Variants in PHACTR2 observed in about 807,000 individuals in gnomAD.
PHACTR2 encodes the protein chromosome 6 open reading frame 56.
A neutral mutation model predicts 76.0 loss-of-function variants in PHACTR2; 30 were observed. The observed-to-expected ratio is 0.39, with a 90% CI of 0.30 to 0.54. The LOEUF (loss-of-function observed/expected upper bound fraction) is 0.54. PHACTR2 is among the 20% of genes least tolerant of loss of function. The probability of loss-of-function intolerance (pLI) is 0.61; values close to 1 mark genes in which losing one functional copy is unlikely to be tolerated. For synonymous variants in PHACTR2, 292 were observed against 292.5 expected, an observed-to-expected ratio of 1.00 and a Z score of 0.02; for missense variants, 696 against 781.1, an observed-to-expected ratio of 0.89 and a Z score of 1.30.
chr6:143,717,754 G>A (rs1778335826), intron 2 of PHACTR2, among the ~76,000 whole-genome samples: 1 of 152,084 alleles, frequency 6.6e-6, no homozygotes, highest in Middle Eastern at 3.4e-3. Flanking sequence ...TGTGTTTTTT[G>A]TAGAGACAGG....
intron 1 of PHACTR2, among the ~76,000 whole-genome samples, chr6:143,699,334 C>A (rs534824323): frequency 2.0e-5 from 3 of 152,188 alleles, no homozygotes; most frequent in South Asian, 2.1e-4. Context: ...AGCCCATGAA[C>A]CTGCTTGAGT....
chr6:143,662,636 C>G lies in PHACTR2; in HGVS notation c.14-49380C>G, dbSNP rs1308890530. ...TGCAAAACAGTAATATTTAAATTCA[C>G]CTTCCTACTAGGGATGTTTCAGTTC... On this transcript the variant is annotated intron_variant, in intron 1 of 11. Coordinates refer to the PHACTR2 transcript ENST00000305766. This position sits in a 1 kb window ranked among gnomAD's most constrained non-coding sequence, Gnocchi z 4.7. 6.6e-6 allele frequency among the ~76,000 whole-genome samples: 1 copy of G among 152,072 alleles called. No individual in the cohort carries two copies. The highest frequency in any genetic ancestry group is 1.5e-5 in the Non-Finnish European group (1 of 68,020).
At position 143,752,834 on chromosome 6, in the gene PHACTR2, T is replaced by C. The variant is rs549855801; in HGVS notation, c.296-920T>C. Among the ~76,000 whole-genome samples, 171 of 152,312 alleles carry C rather than the reference T, an allele frequency of 1.1e-3. 1 individual carries two copies. Among genetic ancestry groups the C allele is most frequent in the African/African-American group, 4.0e-3 (165 of 41,592 alleles). ...CAAACCTTCCATTTGTTAATTTTTC[T>C]TTTACAATGCTAGCAAAGCCTCTTA... On this transcript the variant is annotated intron_variant, in intron 3 of 12. Coordinates refer to ENST00000440869, the MANE Select transcript of PHACTR2 (RefSeq NM_001100164.2).
chr6:143,773,464 T>C (rs1775199930), intron 7 of PHACTR2, among the ~76,000 whole-genome samples: 1 of 151,548 alleles, frequency 6.6e-6, no homozygotes, highest in African/African-American at 2.4e-5. Flanking sequence ...TTGTAGATTA[T>C]GGCAAGTTAT....
chr6:143,697,497 G>A lies in PHACTR2; in HGVS notation c.47-14519G>A, dbSNP rs1390997043. Among the ~76,000 whole-genome samples the A allele has an allele frequency of 6.6e-6, 1 of 152,130 alleles. No homozygotes were observed. The highest frequency in any genetic ancestry group is 2.4e-5 in the African/African-American group (1 of 41,438). ...TATTCCAGCTGTTTTTCAATTATTT[G>A]TCTTTGATGAATTGTCTTTCAATTA... On this transcript the variant is annotated intron_variant, in intron 1 of 12. Coordinates refer to ENST00000440869, the MANE Select transcript of PHACTR2 (RefSeq NM_001100164.2). The surrounding 1 kb of genome is among the most constrained non-coding windows in gnomAD (Gnocchi z 4.4).
At position 143,826,461 on chromosome 6, in the gene PHACTR2, G is replaced by A. The variant is rs931084157; in HGVS notation, c.*2772G>A. ...TAAAGTTTGACATTAGGCTGACATC[G>A]AGGAAGTAAGTGGGTTTTCCTGAGT... On this transcript the variant is annotated 3_prime_UTR_variant, in exon 13 of 13. Coordinates refer to ENST00000440869, the MANE Select transcript of PHACTR2 (RefSeq NM_001100164.2). 3 of 152,206 alleles carry A rather than the reference G, an allele frequency of 2.0e-5. No individual in the cohort carries two copies. The highest frequency in any genetic ancestry group is 4.4e-5 in the Non-Finnish European group (3 of 68,046). The allele number at this position is 152,206 out of a possible 1,614,324, so 9.4% of individuals were successfully genotyped here.
chr6:143,675,893 C>T (rs10551476), upstream of PHACTR2, among the ~76,000 whole-genome samples: 23,748 of 152,060 alleles, frequency 0.16, 2,185 homozygotes, highest in Middle Eastern at 0.26. This position sits in a 1 kb window ranked among gnomAD's most constrained non-coding sequence, Gnocchi z 4.9. Flanking sequence ...TTAAAATTCT[C>T]TTGTTAGGTG....
In PHACTR2 at chr6:143,689,152, C is replaced by G. The variant is rs954322715; in HGVS notation, c.46+10943C>G. ...TCCTTGTTTCGGCTGGATCCTTGTG[C>G]TTCATAGAGACCTTCCCTGCCTACC... On this transcript the variant is annotated intron_variant, in intron 1 of 12. Coordinates refer to ENST00000440869, the MANE Select transcript of PHACTR2 (RefSeq NM_001100164.2). The surrounding 1 kb of genome is among the most constrained non-coding windows in gnomAD (Gnocchi z 4.4). Among the ~76,000 whole-genome samples the G allele has an allele frequency of 6.6e-6, 1 of 152,218 alleles. No individual in the cohort carries two copies. The highest frequency in any genetic ancestry group is 2.4e-5 in the African/African-American group (1 of 41,452).
chr6:143,582,591 T>G (rs1474161285), intron 1 of PHACTR2, among the ~76,000 whole-genome samples: 4 of 151,712 alleles, frequency 2.6e-5, no homozygotes, highest in African/African-American at 9.7e-5. Flanking sequence ...AAAAAAAACT[T>G]GGGAACAACC....
intron 1 of PHACTR2, among the ~76,000 whole-genome samples, chr6:143,567,876 G>A (rs374305899): frequency 5.0e-4 from 76 of 152,304 alleles, no homozygotes; most frequent in African/African-American, 1.7e-3. Context: ...AAGAGAAGGG[G>A]TTTTAAAAAC....
intron 1 of PHACTR2, among the ~76,000 whole-genome samples, chr6:143,586,667 C>A (rs1026998680): frequency 6.6e-6 from 1 of 152,146 alleles, no homozygotes; most frequent in African/African-American, 2.4e-5. Flanking sequence ...GATTAAAAGG[C>A]GGTTTATGCA....
chr6:143,823,128 C>T lies in PHACTR2; in HGVS notation c.1923-546C>T, dbSNP rs979813380. Among the ~76,000 whole-genome samples, 2 of 152,188 alleles carry T rather than the reference C, an allele frequency of 1.3e-5. No individual in the cohort carries two copies. The highest frequency in any genetic ancestry group is 4.8e-5 in the African/African-American group (2 of 41,444). ...TGCAAAGGCAGGTTAACAAGGAAAG[C>T]TTTGTATAGTTGTGGACATGCTTAG... is the stretch of plus-strand genomic sequence containing the variant. On this transcript the variant is annotated intron_variant, in intron 12 of 12. Coordinates refer to ENST00000440869, the MANE Select transcript of PHACTR2 (RefSeq NM_001100164.2). This position sits in a 1 kb window ranked among gnomAD's most constrained non-coding sequence, Gnocchi z 5.7.
intron 5 of PHACTR2, among the ~76,000 whole-genome samples, chr6:143,762,393 C>T (rs535044161): frequency 2.2e-4 from 33 of 152,294 alleles, no homozygotes; most frequent in African/African-American, 7.2e-4. Flanking sequence ...TATTTAGGCA[C>T]TCATGATGCT....
intron 1 of PHACTR2, among the ~76,000 whole-genome samples, chr6:143,644,884 G>A (rs1467041069): frequency 6.6e-6 from 1 of 151,946 alleles, no homozygotes; most frequent in Admixed American, 6.6e-5. Context: ...ACATGAGTAA[G>A]TTCTTTAGTG....
At position 143,739,705 on chromosome 6, in the gene PHACTR2, C is replaced by T. The variant is rs1372111695; in HGVS notation, c.215-9280C>T. ...CCTGAGATTGCTTGTACTTCCTGGCCCTTCTGGGATTGAGGACTTGCTCAT... is the reference window on the plus strand; with the variant it reads ...CCTGAGATTGCTTGTACTTCCTGGCTCTTCTGGGATTGAGGACTTGCTCAT... On this transcript the variant is annotated intron_variant, in intron 2 of 12. Transcript: ENST00000440869. The surrounding 1 kb of genome is among the most constrained non-coding windows in gnomAD (Gnocchi z 4.3). Among the ~76,000 whole-genome samples the T allele has an allele frequency of 4.6e-5, 7 of 152,116 alleles. No individual in the cohort carries two copies. The highest frequency in any genetic ancestry group is 1.7e-4 in the African/African-American group (7 of 41,390).
intron 1 of PHACTR2, among the ~76,000 whole-genome samples, chr6:143,560,134 T>A (rs1490413275): frequency 2.0e-5 from 3 of 152,230 alleles, no homozygotes; most frequent in South Asian, 4.1e-4. Flanking sequence ...TTGGTGTTTT[T>A]AAAACATTTT....
intron 12 of PHACTR2, among the ~76,000 whole-genome samples, chr6:143,817,985 G>C (rs1776336191): frequency 6.6e-6 from 1 of 152,136 alleles, no homozygotes; most frequent in Non-Finnish European, 1.5e-5. Context: ...AGCTAGAAGA[G>C]AGAATTTTGA....
Position 143,777,931 on chromosome 6 carries a change from T to C in PHACTR2, c.1645+548T>C, listed in dbSNP as rs949055243. Among the ~76,000 whole-genome samples the C allele has an allele frequency of 2.0e-5, 3 of 152,260 alleles. No individual in the cohort carries two copies. Among genetic ancestry groups the C allele is most frequent in the Non-Finnish European group, 4.4e-5 (3 of 68,046 alleles). On this transcript the variant is annotated intron_variant, in intron 9 of 12. Coordinates refer to ENST00000440869, the MANE Select transcript of PHACTR2 (RefSeq NM_001100164.2). This position sits in a 1 kb window ranked among gnomAD's most constrained non-coding sequence, Gnocchi z 4.6. ...AACGTTCTCCATTCATTTTCCTACT[T>C]TATTTTCCCATTCTGTTTTTCCCTC...
At chr6:143,594,528 T>C (rs1400605114) in intron 1 of PHACTR2, among the ~76,000 whole-genome samples, 1 of 152,218 alleles carries the variant, frequency 6.6e-6, no homozygotes, top group Non-Finnish European at 1.5e-5. Flanking sequence ...TGAGAACCAA[T>C]GTAAGTATCC....
Sources: gnomAD v4.1 joint callset for allele counts (sites outside exome capture counted in the v4.1 genomes callset) on GRCh38, gnomAD v4.1.1 for gene constraint, Gnocchi (gnomAD v3.1) non-coding constraint, MANE v1.5 for transcripts, NCBI Gene and HGNC (gene_info 2026-07-23, HGNC 2026-07-21) for gene names.